Variants in ZNF277 observed in about 807,000 individuals in gnomAD.
ZNF277 encodes nuclear receptor-interacting factor 4.
ZNF277 carries 55 observed loss-of-function variants against 60.7 expected under a neutral mutation model. The ratio of observed to expected loss-of-function variants is 0.91; its 90% CI spans 0.73 to 1.13. The LOEUF (loss-of-function observed/expected upper bound fraction) is 1.13. ZNF277 is among the 50% of genes most tolerant of loss of function. ZNF277 has a pLI of 0.00. For missense variants in ZNF277, 510 were observed against 523.0 expected (o/e 0.98, Z 0.24); for synonymous variants, 178 against 179.3 (o/e 0.99, Z 0.06).
rs1008147275 is a variant in ZNF277, at chr7:112,208,799, G to A, written c.91+1992G>A. Among the ~76,000 whole-genome samples the A allele has an allele frequency of 2.7e-5, 4 of 146,268 alleles. No individual in the cohort carries two copies. In the Admixed American group the frequency reaches 2.9e-4, roughly 10 times the overall value. On this transcript the variant is annotated intron_variant, in intron 1 of 11. Transcript: ENST00000361822. ...AGGTTCACGCCATTCTCCTGCCTCAGCCTCCCGAGTAACTGGGACTACAGG... is the reference window on the plus strand; with the variant it reads ...AGGTTCACGCCATTCTCCTGCCTCAACCTCCCGAGTAACTGGGACTACAGG...
intron 1 of ZNF277, among the ~76,000 whole-genome samples, chr7:112,264,216 A>G (rs1484945269): frequency 6.6e-6 from 1 of 151,976 alleles, no homozygotes; most frequent in African/African-American, 2.4e-5. Flanking sequence ...TAGCTTATGT[A>G]TACTAATATT....
chr7:112,283,279 G>C (rs1791988215), intron 1 of ZNF277, among the ~76,000 whole-genome samples: 1 of 152,168 alleles, frequency 6.6e-6, no homozygotes. Context: ...TATAATCCCA[G>C]CACTTTGGGA....
intron 4 of ZNF277, among the ~76,000 whole-genome samples, chr7:112,317,879 C>A (rs1323154746): frequency 6.6e-6 from 1 of 152,004 alleles, no homozygotes. Context: ...GATCCCAGCA[C>A]AATTTTGGTT....
intron 5 of ZNF277, among the ~76,000 whole-genome samples, chr7:112,321,357 T>A (rs1792979137): frequency 6.6e-6 from 1 of 152,146 alleles, no homozygotes; most frequent in Non-Finnish European, 1.5e-5. Context: ...AAAACTTTGC[T>A]CCAATATAAT....
chr7:112,285,033 TC>T (rs1467556713), intron 1 of ZNF277, among the ~76,000 whole-genome samples: 2 of 152,034 alleles, frequency 1.3e-5, no homozygotes, highest in Non-Finnish European at 2.9e-5. Flanking sequence ...TTATATAATT[TC>T]TTTTTTTTCT....
At chr7:112,275,827 C>A (rs1791779347) in intron 1 of ZNF277, among the ~76,000 whole-genome samples, 2 of 152,126 alleles carry the variant, frequency 1.3e-5, no homozygotes, top group South Asian at 2.1e-4. Flanking sequence ...AGAAATGTAA[C>A]CATTGCACCA....
At chr7:112,336,557 G>A (rs1001655270) in intron 8 of ZNF277, among the ~76,000 whole-genome samples, 2 of 152,046 alleles carry the variant, frequency 1.3e-5, no homozygotes, top group South Asian at 2.1e-4. Flanking sequence ...TTCTGTGTTC[G>A]GGCCATTGAT....
At chr7:112,315,777 T>C (rs1418231758) in intron 4 of ZNF277, among the ~76,000 whole-genome samples, 2 of 152,158 alleles carry the variant, frequency 1.3e-5, no homozygotes, top group Non-Finnish European at 1.5e-5. Flanking sequence ...GGAATAATTA[T>C]ATTTGCATAT....
At chr7:112,252,935 C>G (rs567905747) in intron 1 of ZNF277, among the ~76,000 whole-genome samples, 11 of 152,196 alleles carry the variant, frequency 7.2e-5, no homozygotes, top group African/African-American at 2.6e-4. Flanking sequence ...GAGGATAGAA[C>G]GATGAATAAA....
chr7:112,267,256 A>G (rs929653627), intron 1 of ZNF277, among the ~76,000 whole-genome samples: 1 of 152,292 alleles, frequency 6.6e-6, no homozygotes, highest in African/African-American at 2.4e-5. Flanking sequence ...AGCTTATTTT[A>G]TACAACTGAA....
At chr7:112,307,866 C>A (rs1161826465) in intron 4 of ZNF277, among the ~76,000 whole-genome samples, 1 of 151,714 alleles carries the variant, frequency 6.6e-6, no homozygotes. Flanking sequence ...TAAATACATA[C>A]ATACATATGT....
At chr7:112,225,138 G>A (rs1055437512) in intron 1 of ZNF277, among the ~76,000 whole-genome samples, 1 of 152,220 alleles carries the variant, frequency 6.6e-6, no homozygotes, top group Admixed American at 6.5e-5. Context: ...CATGTGTCCA[G>A]TGACTAGCAT....
chr7:112,332,715 T>G (rs1214072977), intron 7 of ZNF277, among the ~76,000 whole-genome samples: 1 of 152,142 alleles, frequency 6.6e-6, no homozygotes, highest in Non-Finnish European at 1.5e-5. Flanking sequence ...CTGAGGTAAG[T>G]AACCAAAAAC....
At chr7:112,273,947 C>T (rs1432493142) in intron 1 of ZNF277, among the ~76,000 whole-genome samples, 2 of 151,916 alleles carry the variant, frequency 1.3e-5, no homozygotes, top group African/African-American at 4.8e-5. Context: ...AAGAAAGTTT[C>T]TATCTCATAT....
chr7:112,330,432 T>C (rs1793199863), intron 7 of ZNF277: 1 of 574,172 alleles, frequency 1.7e-6, no homozygotes, highest in Non-Finnish European at 3.0e-6. Context: ...AAAAATGTCA[T>C]GTCTCTAGAA....
intron 7 of ZNF277, among the ~76,000 whole-genome samples, chr7:112,333,725 A>G (rs950067986): frequency 1.3e-5 from 2 of 152,244 alleles, no homozygotes; most frequent in Admixed American, 6.5e-5. Flanking sequence ...TGAATCATTC[A>G]TATCAGTTTC....
At chr7:112,315,580 T>G (rs1030287211) in intron 4 of ZNF277, among the ~76,000 whole-genome samples, 2 of 152,152 alleles carry the variant, frequency 1.3e-5, no homozygotes, top group Non-Finnish European at 2.9e-5. Context: ...TAGTAATTGT[T>G]CACAGCAAAG....
At chr7:112,256,855 A>C (rs2117017646) in intron 1 of ZNF277, among the ~76,000 whole-genome samples, 1 of 152,196 alleles carries the variant, frequency 6.6e-6, no homozygotes, top group South Asian at 2.1e-4. Context: ...CCATATAGAA[A>C]ATCTGTTCTT....
chr7:112,339,786 T>G, intron 9 of ZNF277, 57 bp from the exon 10 acceptor site: 2 of 1,538,682 alleles, frequency 1.3e-6, no homozygotes, highest in Non-Finnish European at 1.8e-6. Flanking sequence ...GTTTATAACT[T>G]CAGCCTGAAA....
Sources: allele counts gnomAD v4.1 joint callset (sites outside exome capture counted in the v4.1 genomes callset), GRCh38; gene constraint gnomAD v4.1.1; transcripts MANE v1.5; gene names NCBI Gene and HGNC (gene_info 2026-07-23, HGNC 2026-07-21).